Variants in MRLN observed in about 807,000 individuals in gnomAD.
The protein encoded by MRLN is myoregulin.
intron 1 of MRLN, among the ~76,000 whole-genome samples, chr10:59,752,218 A>G (rs770028596): frequency 7.9e-5 from 12 of 152,334 alleles, no homozygotes; most frequent in Non-Finnish European, 1.8e-4. Flanking sequence ...TCGCCTCTAC[A>G]GTTTAAATTC....
At chr10:59,750,256 AGAC>A (rs945664971) in intron 1 of MRLN, among the ~76,000 whole-genome samples, 150 of 151,776 alleles carry the variant, frequency 9.9e-4, no homozygotes, top group African/African-American at 3.4e-3. Context: ...TTTTTAGTAG[AGAC>A]AGGGTTTCAC....
At chr10:59,751,983 GA>G (rs2070161260) in intron 1 of MRLN, among the ~76,000 whole-genome samples, 2 of 152,136 alleles carry the variant, frequency 1.3e-5, no homozygotes, top group African/African-American at 4.8e-5. Context: ...AGAGCAAAAA[GA>G]AAAATGTTAG....
At chr10:59,744,405 G>A (rs990652751) in intron 1 of MRLN, among the ~76,000 whole-genome samples, 1 of 151,754 alleles carries the variant, frequency 6.6e-6, no homozygotes, top group Non-Finnish European at 1.5e-5. Context: ...CGTCTGAGAA[G>A]TGAGGACCCC....
chr10:59,750,057 TCTCTC>T (rs199617812), intron 1 of MRLN, among the ~76,000 whole-genome samples: 25 of 128,200 alleles, frequency 2.0e-4, no homozygotes, highest in African/African-American at 7.4e-4. Flanking sequence ...TCTCTCTCTC[TCTCTC>T]TTTTTTTTTT....
At chr10:59,737,347 C>T (rs899123316) in intron 2 of MRLN, 127 bp from the exon 3 acceptor site, 11 of 366,440 alleles carry the variant, frequency 3.0e-5, no homozygotes, top group South Asian at 1.5e-4. Flanking sequence ...TATTCCACAC[C>T]TATTTGTAAC....
chr10:59,742,729 T>C (rs924712560), intron 1 of MRLN, among the ~76,000 whole-genome samples: 2 of 151,758 alleles, frequency 1.3e-5, no homozygotes, highest in African/African-American at 4.8e-5. Context: ...CTTCCTTCCT[T>C]CCTTCTTGCT....
At chr10:59,745,702 T>C (rs889794365) in intron 1 of MRLN, among the ~76,000 whole-genome samples, 1 of 150,214 alleles carries the variant, frequency 6.7e-6, no homozygotes, top group South Asian at 2.1e-4. Flanking sequence ...CATTGCTTAT[T>C]AGATAGTTGA....
intron 1 of MRLN, chr10:59,744,969 G>C (rs568447956): frequency 7.2e-5 from 13 of 180,554 alleles, no homozygotes; most frequent in East Asian, 1.7e-4. Context: ...ACACAAACAC[G>C]GCCGAAGGCA....
intron 1 of MRLN, among the ~76,000 whole-genome samples, chr10:59,747,664 T>G (rs542398734): frequency 3.3e-5 from 5 of 152,340 alleles, no homozygotes; most frequent in African/African-American, 1.2e-4. Flanking sequence ...TATTTCCGAC[T>G]TGTCCGTAAC....
intron 2 of MRLN, among the ~76,000 whole-genome samples, chr10:59,737,522 A>G (rs1259623139): frequency 6.6e-6 from 1 of 152,068 alleles, no homozygotes; most frequent in Non-Finnish European, 1.5e-5. Context: ...AAGTTTATTT[A>G]TCAAGTATCT....
intron 1 of MRLN, among the ~76,000 whole-genome samples, chr10:59,751,664 T>C (rs867353817): frequency 2.3e-4 from 17 of 73,584 alleles, no homozygotes; most frequent in African/African-American, 8.9e-4. Flanking sequence ...AGTAAGACTC[T>C]GTCTCAAAAA....
In MRLN at chr10:59,750,302, C is replaced by T. The variant is rs182089825; in HGVS notation, c.-125+3052G>A. 6.0e-3 allele frequency among the ~76,000 whole-genome samples: 915 copies of T among 152,122 alleles called. 6 individuals carry two copies. The highest frequency in any genetic ancestry group is 9.6e-3 in the Non-Finnish European group (654 of 68,004). On this transcript the variant is annotated intron_variant, in intron 1 of 2. Transcript: ENST00000414264. ...GACAGGCTGGTGTTGAACTCCTGAC[C>T]TCAGGTGATCCATCCTCCTTGGCCT...
intron 1 of MRLN, among the ~76,000 whole-genome samples, chr10:59,740,174 T>C (rs1840966807): frequency 6.6e-6 from 1 of 151,632 alleles, no homozygotes; most frequent in Admixed American, 6.6e-5. Context: ...CATAGCACAA[T>C]GCATTACTCA....
chr10:59,751,676 A>AG, intron 1 of MRLN, among the ~76,000 whole-genome samples: 1 of 151,012 alleles, frequency 6.6e-6, no homozygotes, highest in East Asian at 1.9e-4. Flanking sequence ...TCTCAAAAAA[A>AG]AAAAAAAAAA....
At chr10:59,739,857 G>C (rs1840962992) in intron 1 of MRLN, among the ~76,000 whole-genome samples, 1 of 152,202 alleles carries the variant, frequency 6.6e-6, no homozygotes, top group East Asian at 1.9e-4. Flanking sequence ...ACTTTGGGAG[G>C]CCAAGGCGGG....
chr10:59,739,948 C>T (rs1027050496), intron 1 of MRLN, among the ~76,000 whole-genome samples: 8 of 152,082 alleles, frequency 5.3e-5, no homozygotes, highest in East Asian at 1.9e-4. Flanking sequence ...AAAAATTAGC[C>T]GGGCATGGTG....
At chr10:59,742,988 C>T (rs150685795) in intron 1 of MRLN, among the ~76,000 whole-genome samples, 1 of 152,072 alleles carries the variant, frequency 6.6e-6, no homozygotes, top group Non-Finnish European at 1.5e-5. Context: ...CCTCAGCCTC[C>T]CAAAGTGGTG....
chr10:59,742,833 A>G (rs1048076399), intron 1 of MRLN, among the ~76,000 whole-genome samples: 5 of 151,992 alleles, frequency 3.3e-5, no homozygotes, highest in African/African-American at 1.2e-4. Context: ...GACTCAAGCA[A>G]TCCTCCCACC....
intron 1 of MRLN, among the ~76,000 whole-genome samples, chr10:59,752,859 G>T (rs550770875): frequency 6.6e-6 from 1 of 152,274 alleles, no homozygotes; most frequent in East Asian, 1.9e-4. Flanking sequence ...GAACAAGACA[G>T]GTGCCCTCTC....
Sources: allele counts gnomAD v4.1 joint callset (sites outside exome capture counted in the v4.1 genomes callset), GRCh38; gene constraint gnomAD v4.1.1; transcripts MANE v1.5; gene names NCBI Gene and HGNC (gene_info 2026-07-23, HGNC 2026-07-21).